AGBL5: variants seen among roughly 807,000 people sequenced by gnomAD.
AGBL5 encodes the protein AGBL carboxypeptidase 5.
In AGBL5, 51 loss-of-function variants were observed where a neutral mutation model predicts 88.0. That is an observed-to-expected ratio of 0.58 (90% confidence interval 0.46 to 0.73). The LOEUF is 0.73. Among genes scored for constraint, AGBL5 ranks in the 30% least tolerant of loss-of-function variants. The pLI is 0.00. For synonymous variants in AGBL5, 446 were observed against 438.8 expected, an observed-to-expected ratio of 1.02 and a Z score of -0.21; for missense variants, 1,031 against 1,162.2, an observed-to-expected ratio of 0.89 and a Z score of 1.64.
upstream of AGBL5, among the ~76,000 whole-genome samples, chr2:27,051,219 A>G (rs1054042351): frequency 5.9e-5 from 9 of 152,160 alleles, no homozygotes; most frequent in African/African-American, 9.7e-5. Context: ...CAGGCGGGGG[A>G]TTAGCTCAAA....
rs778651864 is a variant in AGBL5 at position 27,053,512 on chromosome 2, T to G, written c.326T>G (p.Phe109Cys). The G allele has an allele frequency of 6.2e-7, 1 of 1,614,132 alleles. No homozygotes were observed. The highest frequency in any genetic ancestry group is 1.1e-5 in the South Asian group (1 of 91,078). The change falls in exon 3 of 15, where the codon TTT (phenylalanine) becomes TGT (cysteine). Residue 109 changes from phenylalanine to cysteine, a missense_variant. Physicochemically the swap from Phe to Cys is radical, Grantham distance 205. Coordinates refer to ENST00000360131, the MANE Select transcript of AGBL5 (RefSeq NM_021831.6). The surrounding 1 kb of genome is among the most constrained non-coding windows in gnomAD (Gnocchi z 4.9). ...SKLYSQGMAPFVRTLPTRPRW... is the reference protein window; with the variant it reads ...SKLYSQGMAPCVRTLPTRPRW... The stretch of plus-strand genomic sequence containing the variant: ...CTGTATTCCCAGGGCATGGCCCCCT[T>G]TGTGCGCACACTGCCCACCCGGCCA...
At chr2:27,063,517 CCCAGGAGGCGGAG>C in intron 11 of AGBL5, among the ~76,000 whole-genome samples, 1 of 152,112 alleles carries the variant, frequency 6.6e-6, no homozygotes, top group Admixed American at 6.5e-5. Context: ...ATGGCGTGAA[CCCAGGAGGCGGAG>C]CTGGCAGTGA....
intron 4 of AGBL5, 134 bp downstream of exon 4, chr2:27,054,193 C>A: frequency 9.1e-7 from 1 of 1,100,240 alleles, no homozygotes; most frequent in Non-Finnish European, 1.3e-6. Context: ...ACAGACAGGA[C>A]TTTGGGTACC....
rs1487220446 is a variant in AGBL5 at position 27,055,851 on chromosome 2, G to C, written c.1078G>C (p.Ala360Pro). 6.2e-7 allele frequency: 1 copy of C among 1,614,056 alleles called. No individual in the cohort carries two copies. The highest frequency in any genetic ancestry group is 1.3e-5 in the African/African-American group (1 of 74,914). Residue 360 changes from alanine (A) to proline (P), a missense_variant, in exon 7 of 15, where the codon GCT becomes CCT. By Grantham distance (27) the Ala-to-Pro change is conservative (BLOSUM62 -1). Around this residue, in one of 2 missense-constraint regions of AGBL5, gnomAD observed 540 missense variants for 678.2 expected, o/e 0.80. Coordinates refer to ENST00000360131, the MANE Select transcript of AGBL5 (RefSeq NM_021831.6). ...HQPSSCLPPD[A>P]PVSDLEKANN... ...GCCCAGTTCCTGTCTCCCTCCTGAT[G>C]CTCCTGTTTCTGACCTGGAGAAAGC... is the stretch of plus-strand genomic sequence containing the variant.
At chr2:27,068,146 T>A (rs142199663) in intron 12 of AGBL5, among the ~76,000 whole-genome samples, 236 of 152,330 alleles carry the variant, frequency 1.5e-3, no homozygotes, top group Non-Finnish European at 2.7e-3. Flanking sequence ...TCCAACATGT[T>A]CTACCTCATT....
At chr2:27,068,225 G>A (rs1669093545) in intron 12 of AGBL5, among the ~76,000 whole-genome samples, 1 of 152,220 alleles carries the variant, frequency 6.6e-6, no homozygotes, top group Non-Finnish European at 1.5e-5. Context: ...GTCCTGGGTA[G>A]AGCTGACTTG....
Position 27,053,102 on chromosome 2 carries a change from T to G in AGBL5, c.144T>G (p.Ser48=), listed in dbSNP as rs1668254722. ...CAGCCCTGACCAGTGGCATTGCCTC[T>G]TCCCCTGACTATGAATTCAACGTGT... ...GASALTSGIA[S]SPDYEFNVWT... is the part of the protein sequence containing the mutation. The change falls in exon 2 of 15, where the codon TCT becomes TCG. Residue 48 remains serine, a synonymous_variant. Transcript: ENST00000360131. This position sits in a 1 kb window ranked among gnomAD's most constrained non-coding sequence, Gnocchi z 4.9. The G allele has an allele frequency of 6.2e-7, 1 of 1,612,878 alleles. No homozygotes were observed. The highest frequency in any genetic ancestry group is 8.5e-7 in the Non-Finnish European group (1 of 1,179,344).
At chr2:27,059,560 G>T (rs1668608326) in intron 11 of AGBL5, 156 bp downstream of exon 11, 1 of 1,493,942 alleles carries the variant, frequency 6.7e-7, no homozygotes, top group Non-Finnish European at 8.9e-7. Flanking sequence ...TACGACCTTG[G>T]TGTTCCCTGC....
chr2:27,059,097 C>A, intron 10 of AGBL5, 93 bp from the exon 11 acceptor site: 2 of 1,282,714 alleles, frequency 1.6e-6, no homozygotes, highest in Non-Finnish European at 2.2e-6. Flanking sequence ...CTTTTTACCC[C>A]AGAGGTGAAG....
rs778861966 is a variant in AGBL5, at chr2:27,068,719, T to C, written c.2330T>C (p.Met777Thr). Reference sequence around the variant, plus strand: ...GGTCTGCTAGGGACTGGAGCTCGGATGCCCTGCATCAAGACTCGATTGCAG... The same window carrying C: ...GGTCTGCTAGGGACTGGAGCTCGGACGCCCTGCATCAAGACTCGATTGCAG... ...GKGLLGTGAR[M>T]PCIKTRLQAR... The change falls in exon 13 of 15, where the codon ATG (methionine) becomes ACG (threonine). Residue 777 changes from methionine to threonine, a missense_variant. Coordinates refer to ENST00000360131, the MANE Select transcript of AGBL5 (RefSeq NM_021831.6). The C allele has an allele frequency of 2.6e-5, 42 of 1,614,184 alleles. No individual in the cohort carries two copies. In the South Asian group the frequency reaches 4.3e-4, roughly 16 times the overall value.
At chr2:27,065,702 A>G (rs1185530874) in intron 11 of AGBL5, among the ~76,000 whole-genome samples, 1 of 152,238 alleles carries the variant, frequency 6.6e-6, no homozygotes, top group Non-Finnish European at 1.5e-5. Flanking sequence ...GATGAAGGTA[A>G]TGAGAAGAGA....
chr2:27,050,394 C>G (rs545524654), upstream of AGBL5: 1 of 152,460 alleles, frequency 6.6e-6, no homozygotes, highest in South Asian at 2.1e-4. Context: ...GCCAAAGTGG[C>G]CCATCGGCTC....
At chr2:27,061,355 G>A (rs1359647025) in intron 11 of AGBL5, 2 of 151,674 alleles carry the variant, frequency 1.3e-5, no homozygotes, top group Non-Finnish European at 2.9e-5. Context: ...TCCTGCCTCA[G>A]CCTCCGGAAT....
At position 27,053,207 on chromosome 2, in the gene AGBL5, TC is replaced by T. The variant is rs1172784614; in HGVS notation, c.215+36del. On this transcript the variant is annotated intron_variant, in intron 2 of 14. Coordinates refer to ENST00000360131, the MANE Select transcript of AGBL5 (RefSeq NM_021831.6). This position sits in a 1 kb window ranked among gnomAD's most constrained non-coding sequence, Gnocchi z 4.9. Reference sequence around the variant, plus strand: ...AACGAAATGGAGGGTGGAAAAAGGCTCCAAACCCATGCTTCAGTTAGCCCTC... The same window carrying T: ...AACGAAATGGAGGGTGGAAAAAGGCTCAAACCCATGCTTCAGTTAGCCCTC... 1 of 1,552,014 alleles carries T rather than the reference TC, an allele frequency of 6.4e-7. No individual in the cohort carries two copies.
chr2:27,056,167 G>A (rs749076059), intron 7 of AGBL5, 29 bp downstream of exon 7: 1 of 1,596,638 alleles, frequency 6.3e-7, no homozygotes, highest in Non-Finnish European at 8.5e-7. Context: ...TCATGTGAGT[G>A]TGAGAAGTGT....
Position 27,059,349 on chromosome 2 carries a change from A to C in AGBL5, c.2034A>C (p.Pro678=), listed in dbSNP as rs760672904. 6.2e-7 allele frequency: 1 copy of C among 1,614,108 alleles called. No homozygotes were observed. Among genetic ancestry groups the C allele is most frequent in the African/African-American group, 1.3e-5 (1 of 74,934 alleles). Reference sequence around the variant, plus strand: ...ATGGCAGTCGGCCTGCAGGGCTGCCAGGCCTGGGCTCTAGTACCCAAAAGG... The same window carrying C: ...ATGGCAGTCGGCCTGCAGGGCTGCCCGGCCTGGGCTCTAGTACCCAAAAGG... ...PFHGSRPAGL[P]GLGSSTQKVT... is the part of the protein sequence containing the mutation. Residue 678 remains proline, a synonymous_variant, in exon 11 of 15, where the codon CCA becomes CCC. Transcript: ENST00000360131.
Position 27,054,688 on chromosome 2 carries a change from C to T in AGBL5, c.610C>T (p.Arg204Cys), listed in dbSNP as rs983091121. Residue 204 changes from arginine to cysteine, a missense_variant, in exon 5 of 15, where the codon CGT becomes TGT. By Grantham distance (180) the Arg-to-Cys change is radical. Coordinates refer to ENST00000360131, the MANE Select transcript of AGBL5 (RefSeq NM_021831.6). ...ELLCYSLDGL[R>C]VDLLTITSCH... ...CCTTTGCTATTCTCTGGATGGACTT[C>T]GTGTAGATCTGCTGACGATCACTTC... is the stretch of plus-strand genomic sequence containing the variant. The T allele has an allele frequency of 1.2e-6, 2 of 1,613,914 alleles. No individual in the cohort carries two copies. The highest frequency in any genetic ancestry group is 4.5e-5 in the East Asian group (2 of 44,900).
chr2:27,052,897 C>T lies in AGBL5; in HGVS notation c.-46-16C>T. On this transcript the variant is annotated splice_polypyrimidine_tract_variant and intron_variant, in intron 1 of 14. Coordinates refer to ENST00000360131, the MANE Select transcript of AGBL5 (RefSeq NM_021831.6). ...TCTTCCCTTTCCTCCTTAACCTAAC[C>T]CTTGTTTTCCCCCAGCTCTCAGGGC... 1.4e-6 allele frequency: 2 copies of T among 1,440,382 alleles called. No homozygotes were observed. The highest frequency in any genetic ancestry group is 2.9e-5 in the South Asian group (2 of 69,642). The allele number at this position is 1,440,382 out of a possible 1,614,324, so 89.2% of individuals were successfully genotyped here. A position where few individuals can be genotyped will look rare whatever the true frequency, so the allele number is the denominator to read the frequency against.
In AGBL5 at chr2:27,056,429, C is replaced by T. The variant is rs1458647370; in HGVS notation, c.1366-194C>T. 3 of 636,330 alleles carry T rather than the reference C, an allele frequency of 4.7e-6. No homozygotes were observed. In the African/African-American group the frequency reaches 5.5e-5, roughly 12 times the overall value. The allele number at this position is 636,330 out of a possible 1,614,324, so 39.4% of individuals were successfully genotyped here. On this transcript the variant is annotated intron_variant, in intron 7 of 14. Transcript: ENST00000360131. ...ATTGTTGGAGGGAGGAAGCTAAAAG[C>T]TTAAAAAAAAAAGAATTGCTTCCCA...
Sources: gnomAD v4.1 joint callset for allele counts (sites outside exome capture counted in the v4.1 genomes callset) on GRCh38, gnomAD v4.1.1 for gene constraint, gnomAD v4.1.1 regional missense constraint, Gnocchi (gnomAD v3.1) non-coding constraint, MANE v1.5 for transcripts, NCBI Gene and HGNC (gene_info 2026-07-23, HGNC 2026-07-21) for gene names.